MOAP1: variants seen among roughly 807,000 people sequenced by gnomAD.
The protein encoded by MOAP1 is MAP1.
For missense variants in MOAP1, 385 were observed against 418.6 expected, an observed-to-expected ratio of 0.92 and a Z score of 0.70; for synonymous variants, 150 against 161.0, an observed-to-expected ratio of 0.93 and a Z score of 0.52.
In MOAP1 at chr14:93,184,189, C is replaced by T. The variant is rs45442993; in HGVS notation, c.54G>A (p.Arg18=). ...AGATGCCGGCAATCAATAGCGCTTT[C>T]CGAGGGTTCATGTCCATCCCCCTGC... ...DWCRGMDMNP[R]KALLIAGISQ... Residue 18 remains arginine, a synonymous_variant, in exon 3 of 3, where the codon CGG becomes CGA. Coordinates refer to ENST00000298894, the MANE Select transcript of MOAP1 (RefSeq NM_022151.5). The surrounding 1 kb of genome is among the most constrained non-coding windows in gnomAD (Gnocchi z 4.2). 14 of 1,613,346 alleles carry T rather than the reference C, an allele frequency of 8.7e-6. No individual in the cohort carries two copies. Among genetic ancestry groups the T allele is most frequent in the African/African-American group, 4.0e-5 (3 of 75,036 alleles).
In MOAP1 at chr14:93,183,701, A is replaced by G. The variant is rs768921748; in HGVS notation, c.542T>C (p.Phe181Ser). The G allele has an allele frequency of 3.7e-5, 60 of 1,613,976 alleles. No homozygotes were observed. The South Asian group carries it at 6.0e-4, about 16-fold the overall frequency. Residue 181 changes from phenylalanine to serine, a missense_variant, in exon 3 of 3, where the codon TTT (phenylalanine) becomes TCT (serine). Transcript: ENST00000298894. ...RESPEPGEEE[F>S]GRWMFHTTQM... Reference sequence around the variant, plus strand: ...AGTAGTATGAAACATCCAGCGTCCAAATTCTTCTTCTCCTGGTTCTGGAGA... The same window carrying G: ...AGTAGTATGAAACATCCAGCGTCCAGATTCTTCTTCTCCTGGTTCTGGAGA...
rs1893958457 is a variant in MOAP1, at chr14:93,182,951, C to T, written c.*236G>A. 3.8e-6 allele frequency: 2 copies of T among 530,314 alleles called. No homozygotes were observed. The highest frequency in any genetic ancestry group is 6.3e-6 in the Non-Finnish European group (2 of 316,004). 32.9% of individuals were successfully genotyped at this position (530,314 alleles called of 1,614,324 possible). On this transcript the variant is annotated 3_prime_UTR_variant, in exon 3 of 3. Coordinates refer to ENST00000298894, the MANE Select transcript of MOAP1 (RefSeq NM_022151.5). ...TCTCAACAACAACAACAAAGATATT[C>T]ACAAGGATGAATTTAAATAGGTAAA...
chr14:93,183,191 GT>G lies in MOAP1; in HGVS notation c.1051del (p.Thr351ProfsTer14). 6.3e-7 allele frequency: 1 copy of G among 1,599,728 alleles called. No homozygotes were observed. Among genetic ancestry groups the G allele is most frequent in the Non-Finnish European group, 8.5e-7 (1 of 1,172,910 alleles). On this transcript the variant is annotated frameshift_variant, in exon 3 of 3. Coordinates refer to ENST00000298894, the MANE Select transcript of MOAP1 (RefSeq NM_022151.5). LOFTEE classifies it high-confidence loss of function. The stretch of plus-strand genomic sequence containing the variant: ...CCCTTCGTGGTTCCCTGAGACTCAG[GT>G]GAAATTACCTTCCAATATTGCCTGG... The part of the protein sequence containing the change: ...LLQAILEGNF[T>X]
Position 93,183,851 on chromosome 14 carries a change from A to T in MOAP1, c.392T>A (p.Leu131Ter). Residue 131 changes from leucine (L) to a stop codon, truncating the protein, a stop_gained, in exon 3 of 3, where the codon TTA (leucine) becomes TAA (stop). Coordinates refer to ENST00000298894, the MANE Select transcript of MOAP1 (RefSeq NM_022151.5). LOFTEE classifies it low-confidence loss of function (END_TRUNC). Reference sequence around the variant, plus strand: ...CGGGATCATGCCCTGCTCTGGGTCTAAGGAGCCATTTTCATGTCCAAGAGC... The same window carrying T: ...CGGGATCATGCCCTGCTCTGGGTCTTAGGAGCCATTTTCATGTCCAAGAGC... ...SRALGHENGS[L>*]DPEQGMIPEM... 1 of 1,614,054 alleles carries T rather than the reference A, an allele frequency of 6.2e-7. No individual in the cohort carries two copies. The highest frequency in any genetic ancestry group is 8.5e-7 in the Non-Finnish European group (1 of 1,180,022).
At position 93,183,274 on chromosome 14, in the gene MOAP1, C is replaced by G; in HGVS notation, c.969G>C (p.Leu323Phe). 2.5e-6 allele frequency: 4 copies of G among 1,614,160 alleles called. No individual in the cohort carries two copies. Among genetic ancestry groups the G allele is most frequent in the Non-Finnish European group, 3.4e-6 (4 of 1,180,034 alleles). The change falls in exon 3 of 3, where the codon TTG (leucine) becomes TTC (phenylalanine). Residue 323 changes from leucine to phenylalanine, a missense_variant. Transcript: ENST00000298894. ...LPEDGPAPGFLQLLVLIKDYE... is the reference protein window; with the variant it reads ...LPEDGPAPGFFQLLVLIKDYE... Reference sequence around the variant, plus strand: ...AATCCTTTATTAGTACCAATAACTGCAAGAAACCAGGGGCTGGGCCATCCT... The same window carrying G: ...AATCCTTTATTAGTACCAATAACTGGAAGAAACCAGGGGCTGGGCCATCCT...
Position 93,183,392 on chromosome 14 carries a change from G to C in MOAP1, c.851C>G (p.Ala284Gly). The C allele has an allele frequency of 1.9e-6, 3 of 1,614,118 alleles. No homozygotes were observed. Among genetic ancestry groups the C allele is most frequent in the Non-Finnish European group, 2.5e-6 (3 of 1,180,026 alleles). ...CTGATTCACAGCATCTCTCTCAATT[G>C]CTCCTCTCTGTACCAGCTTCTGTAA... ...PLLQKLVQRG[A>G]IERDAVNQAR... Residue 284 changes from alanine to glycine, a missense_variant, in exon 3 of 3, where the codon GCA becomes GGA. Coordinates refer to ENST00000298894, the MANE Select transcript of MOAP1 (RefSeq NM_022151.5).
rs956007609 is a variant in MOAP1 at position 93,182,874 on chromosome 14, G to A, written c.*313C>T. 1.7e-5 allele frequency: 5 copies of A among 290,280 alleles called. No individual in the cohort carries two copies. In the Admixed American group the frequency reaches 2.3e-4, roughly 13 times the overall value. The allele number at this position is 290,280 out of a possible 1,614,324, so 18.0% of individuals were successfully genotyped here. ...AAACCTGGAAGGCGGAGGATGCAGT[G>A]AGCCAAGATCACGCCACTGCACTCC... On this transcript the variant is annotated 3_prime_UTR_variant, in exon 3 of 3. Coordinates refer to ENST00000298894, the MANE Select transcript of MOAP1 (RefSeq NM_022151.5).
In MOAP1 at chr14:93,183,601, T is replaced by C; in HGVS notation, c.642A>G (p.Ala214=). 2 of 1,614,236 alleles carry C rather than the reference T, an allele frequency of 1.2e-6. No individual in the cohort carries two copies. The highest frequency in any genetic ancestry group is 1.3e-5 in the African/African-American group (1 of 75,066). Residue 214 remains alanine, a synonymous_variant, in exon 3 of 3, where the codon GCA becomes GCG. Transcript: ENST00000298894. ...TCTTGAGGACACGAATAACATCAAG[T>C]GCTGGGCCTCGAAGGCTCTCTAGCA... ...RRLLESLRGP[A]LDVIRVLKIN... is the part of the protein sequence containing the mutation.
In MOAP1 at chr14:93,183,788, G is replaced by C. The variant is rs762334568; in HGVS notation, c.455C>G (p.Ala152Gly). 1 of 1,613,956 alleles carries C rather than the reference G, an allele frequency of 6.2e-7. No homozygotes were observed. Among genetic ancestry groups the C allele is most frequent in the Non-Finnish European group, 8.5e-7 (1 of 1,180,020 alleles). The change falls in exon 3 of 3, where the codon GCT (alanine) becomes GGT (glycine). Residue 152 changes from alanine (A) to glycine (G), a missense_variant. Coordinates refer to ENST00000298894, the MANE Select transcript of MOAP1 (RefSeq NM_022151.5). ...CAAGCATTGCAGGGCAGGCTGAAGAGCCTCTAATGCCTGTGCCAACATAGG... is the reference window on the plus strand; with the variant it reads ...CAAGCATTGCAGGGCAGGCTGAAGACCCTCTAATGCCTGTGCCAACATAGG... ...WAPMLAQALE[A>G]LQPALQCLKY... is the part of the protein sequence containing the mutation.
In MOAP1 at chr14:93,182,823, G is replaced by A. The variant is rs1028326855; in HGVS notation, c.*364C>T. 5.2e-5 allele frequency: 10 copies of A among 193,398 alleles called. No homozygotes were observed. The highest frequency in any genetic ancestry group is 1.6e-4 in the African/African-American group (7 of 42,814). The allele number at this position is 193,398 out of a possible 1,614,324, so 12.0% of individuals were successfully genotyped here. ...CACATGCCTGTAGTCCCAGCTACTC[G>A]GGCAACTGAGGCAGGAGAATAGCTT... is the stretch of plus-strand genomic sequence containing the variant. On this transcript the variant is annotated 3_prime_UTR_variant, in exon 3 of 3. Transcript: ENST00000298894.
At position 93,183,200 on chromosome 14, in the gene MOAP1, C is replaced by A; in HGVS notation, c.1043G>T (p.Gly348Val). 1 of 1,602,494 alleles carries A rather than the reference C, an allele frequency of 6.2e-7. No individual in the cohort carries two copies. The highest frequency in any genetic ancestry group is 1.1e-5 in the South Asian group (1 of 89,576). The change falls in exon 3 of 3, where the codon GGT becomes GTT. Residue 348 changes from glycine (G) to valine (V), a missense_variant. By Grantham distance (109) the Gly-to-Val change is moderately radical. Transcript: ENST00000298894. ...GTTCCCTGAGACTCAGGTGAAATTA[C>A]CTTCCAATATTGCCTGGAGAAGGGC... ...EEALLQAILE[G>V]NFT
rs1180792844 is a variant in MOAP1, at chr14:93,182,610, G to C, written c.*577C>G. ...CCTCAGAGCACTGCACACAGATAGT[G>C]AAAGAACTTGTGTACAATAAGAAAT... On this transcript the variant is annotated 3_prime_UTR_variant, in exon 3 of 3. Coordinates refer to ENST00000298894, the MANE Select transcript of MOAP1 (RefSeq NM_022151.5). 6.5e-6 allele frequency: 1 copy of C among 153,786 alleles called. No individual in the cohort carries two copies. Among genetic ancestry groups the C allele is most frequent in the Admixed American group, 6.4e-5 (1 of 15,572 alleles). 9.5% of individuals were successfully genotyped at this position (153,786 alleles called of 1,614,324 possible).
chr14:93,183,070 C>T lies in MOAP1; in HGVS notation c.*117G>A. ...GACAAAGGGCTTATACTGAGAATTG[C>T]ACAAAAATGAGTTACTTGGCAGCAC... On this transcript the variant is annotated 3_prime_UTR_variant, in exon 3 of 3. Transcript: ENST00000298894. The T allele has an allele frequency of 7.1e-7, 1 of 1,412,602 alleles. No individual in the cohort carries two copies. The allele number at this position is 1,412,602 out of a possible 1,614,324, so 87.5% of individuals were successfully genotyped here.
rs1158755247 is a variant in MOAP1 at position 93,184,085 on chromosome 14, C to A, written c.158G>T (p.Gly53Val). 2 of 1,614,104 alleles carry A rather than the reference C, an allele frequency of 1.2e-6. No homozygotes were observed. The highest frequency in any genetic ancestry group is 3.3e-5 in the Admixed American group (2 of 60,006). ...LAPLGEYRLL[G>V]RMFRRDENRK... is the part of the protein sequence containing the mutation. Reference sequence around the variant, plus strand: ...GTTCTCATCCCTCCTGAACATCCTTCCAAGCAGTCTGTACTCCCCCAAGGG... The same window carrying A: ...GTTCTCATCCCTCCTGAACATCCTTACAAGCAGTCTGTACTCCCCCAAGGG... The change falls in exon 3 of 3, where the codon GGA (glycine) becomes GTA (valine). Residue 53 changes from glycine to valine, a missense_variant. Coordinates refer to ENST00000298894, the MANE Select transcript of MOAP1 (RefSeq NM_022151.5). This position sits in a 1 kb window ranked among gnomAD's most constrained non-coding sequence, Gnocchi z 4.2.
rs1348023705 is a variant in MOAP1 at position 93,182,340 on chromosome 14, C to A, written c.*847G>T. On this transcript the variant is annotated 3_prime_UTR_variant, in exon 3 of 3. Transcript: ENST00000298894. ...TGGTCATTGCAAACTTAACCAATCT[C>A]AGCATTCTATTCTGCCTTTTGTTTT... is the stretch of plus-strand genomic sequence containing the variant. 1.3e-5 allele frequency: 2 copies of A among 152,620 alleles called. No homozygotes were observed. The highest frequency in any genetic ancestry group is 2.9e-5 in the Non-Finnish European group (2 of 68,036). The allele number at this position is 152,620 out of a possible 1,614,324, so 9.5% of individuals were successfully genotyped here. A position where few individuals can be genotyped will look rare whatever the true frequency, so the allele number is the denominator to read the frequency against.
In MOAP1 at chr14:93,183,775, G is replaced by A; in HGVS notation, c.468C>T (p.Ala156=). The part of the protein sequence containing the change: ...LAQALEALQP[A]LQCLKYKKLR... ...GCTTTTTATACTTCAAGCATTGCAG[G>A]GCAGGCTGAAGAGCCTCTAATGCCT... Residue 156 remains alanine, a synonymous_variant, in exon 3 of 3, where the codon GCC becomes GCT. Transcript: ENST00000298894. 1 of 1,614,008 alleles carries A rather than the reference G, an allele frequency of 6.2e-7. No individual in the cohort carries two copies. Among genetic ancestry groups the A allele is most frequent in the South Asian group, 1.1e-5 (1 of 91,080 alleles).
Position 93,184,211 on chromosome 14 carries a change from C to A in MOAP1, c.32G>T (p.Arg11Met). The A allele has an allele frequency of 6.2e-7, 1 of 1,603,406 alleles. No individual in the cohort carries two copies. Among genetic ancestry groups the A allele is most frequent in the Non-Finnish European group, 8.5e-7 (1 of 1,175,884 alleles). Residue 11 changes from arginine (R) to methionine (M), a missense_variant, in exon 3 of 3, where the codon AGG becomes ATG. By Grantham distance (91) the Arg-to-Met change is moderately conservative (BLOSUM62 -1). Transcript: ENST00000298894. This position sits in a 1 kb window ranked among gnomAD's most constrained non-coding sequence, Gnocchi z 4.2. The stretch of plus-strand genomic sequence containing the variant: ...TTTCCGAGGGTTCATGTCCATCCCC[C>A]TGCACCAGTCTTCTAAAAGCCTCAA... MTLRLLEDWC[R>M]GMDMNPRKAL...
Position 93,184,852 on chromosome 14 carries a change from C to G in MOAP1, c.-318G>C, listed in dbSNP as rs1421255191. ...CACCCGCGCCGCCGGAGCTCCGGCT[C>G]CAGCCCGGATTCCACCTGTTTTGGT... On this transcript the variant is annotated 5_prime_UTR_variant, in exon 1 of 3. Transcript: ENST00000298894. The surrounding 1 kb of genome is among the most constrained non-coding windows in gnomAD (Gnocchi z 4.2). 3.3e-5 allele frequency: 5 copies of G among 152,482 alleles called. No individual in the cohort carries two copies. Among genetic ancestry groups the G allele is most frequent in the Non-Finnish European group, 7.3e-5 (5 of 68,308 alleles). 9.4% of individuals were successfully genotyped at this position (152,482 alleles called of 1,614,324 possible). A position where few individuals can be genotyped will look rare whatever the true frequency, so the allele number is the denominator to read the frequency against.
chr14:93,182,923 C>CT lies in MOAP1; in HGVS notation c.*263dup. 1 of 456,738 alleles carries CT rather than the reference C, an allele frequency of 2.2e-6. No homozygotes were observed. Among genetic ancestry groups the CT allele is most frequent in the Non-Finnish European group, 3.8e-6 (1 of 265,064 alleles). 28.3% of individuals were successfully genotyped at this position (456,738 alleles called of 1,614,324 possible). A position where few individuals can be genotyped will look rare whatever the true frequency, so the allele number is the denominator to read the frequency against. On this transcript the variant is annotated 3_prime_UTR_variant, in exon 3 of 3. Coordinates refer to ENST00000298894, the MANE Select transcript of MOAP1 (RefSeq NM_022151.5). The stretch of plus-strand genomic sequence containing the variant: ...CCAGCCTGGGTGACAGAGCGAGACT[C>CT]TGTCTCAACAACAACAACAAAGATA...
Sources: allele counts gnomAD v4.1 joint callset, GRCh38; gene constraint gnomAD v4.1.1; non-coding constraint Gnocchi (gnomAD v3.1); transcripts MANE v1.5; gene names NCBI Gene and HGNC (gene_info 2026-07-23, HGNC 2026-07-21).